PRKG1: variants seen among roughly 807,000 people sequenced by gnomAD.
PRKG1 encodes cGMP-dependent protein kinase 1.
Under a neutral mutation model 88.1 loss-of-function variants are expected in PRKG1, and 35 were observed. The ratio of observed to expected loss-of-function variants is 0.40; its 90% CI spans 0.30 to 0.53. The LOEUF (loss-of-function observed/expected upper bound fraction) is 0.53, where lower values mean the gene tolerates loss of function less well. Among genes scored for constraint, PRKG1 ranks in the 20% least tolerant of loss-of-function variants. The probability of loss-of-function intolerance (pLI) is 0.59; values close to 1 mark genes in which losing one functional copy is unlikely to be tolerated. For missense variants in PRKG1, 540 were observed against 839.8 expected, an observed-to-expected ratio of 0.64 and a Z score of 4.41; for synonymous variants, 303 against 292.5, an observed-to-expected ratio of 1.04 and a Z score of -0.37.
chr10:51,835,757 GTGGGAT>G (rs1166360337), intron 4 of PRKG1, among the ~76,000 whole-genome samples: 1 of 152,116 alleles, frequency 6.6e-6, no homozygotes, highest in African/African-American at 2.4e-5. Context: ...ATACCCATTA[GTGGGAT>G]TGCTGGATCA....
intron 2 of PRKG1, among the ~76,000 whole-genome samples, chr10:51,328,258 T>C (rs1841643215): frequency 1.3e-5 from 2 of 152,228 alleles, no homozygotes. Context: ...CTTATTTCAC[T>C]TAACGTGATG....
At chr10:51,951,939 A>C (rs536282451) in intron 5 of PRKG1, among the ~76,000 whole-genome samples, 2 of 152,214 alleles carry the variant, frequency 1.3e-5, no homozygotes, top group Non-Finnish European at 2.9e-5. Flanking sequence ...ATGCCACATC[A>C]ATATTATATG....
chr10:51,307,183 A>G (rs1841060957), intron 2 of PRKG1, among the ~76,000 whole-genome samples: 1 of 152,162 alleles, frequency 6.6e-6, no homozygotes, highest in Non-Finnish European at 1.5e-5. Flanking sequence ...ACACAGATAT[A>G]TTTATGCACA....
intron 3 of PRKG1, among the ~76,000 whole-genome samples, chr10:51,685,905 C>T (rs1840976556): frequency 6.6e-6 from 1 of 152,124 alleles, no homozygotes; most frequent in Non-Finnish European, 1.5e-5. Context: ...AGAGACCACT[C>T]TTCAGCCCTG....
chr10:51,188,730 A>G (rs1339486162), intron 2 of PRKG1, among the ~76,000 whole-genome samples: 1 of 151,874 alleles, frequency 6.6e-6, no homozygotes, highest in Non-Finnish European at 1.5e-5. Context: ...AGTGTACACA[A>G]ATTAAAAGAC....
chr10:52,091,437 C>T (rs1847054190), intron 7 of PRKG1, among the ~76,000 whole-genome samples: 1 of 152,148 alleles, frequency 6.6e-6, no homozygotes, highest in Non-Finnish European at 1.5e-5. Flanking sequence ...TTGCATCAAA[C>T]TCATAGATCC....
chr10:51,719,923 C>T (rs978338283), intron 3 of PRKG1, among the ~76,000 whole-genome samples: 29 of 152,114 alleles, frequency 1.9e-4, no homozygotes, highest in Non-Finnish European at 3.8e-4. Context: ...GCTAGGTCTA[C>T]TGGAGTGGTC....
intron 4 of PRKG1, among the ~76,000 whole-genome samples, chr10:51,852,098 A>G (rs1840569438): frequency 6.6e-6 from 1 of 150,622 alleles, no homozygotes; most frequent in Non-Finnish European, 1.5e-5. Context: ...TATAGATAAA[A>G]CTTAGACTTA....
chr10:52,131,707 C>T (rs12255973), intron 7 of PRKG1, among the ~76,000 whole-genome samples: 24,030 of 147,772 alleles, frequency 0.16, 2,817 homozygotes, highest in African/African-American at 0.33. Flanking sequence ...ATTAGCCAGG[C>T]GTGGTGGTGG....
chr10:51,647,616 C>T (rs948518209), intron 3 of PRKG1, among the ~76,000 whole-genome samples: 35 of 152,242 alleles, frequency 2.3e-4, no homozygotes, highest in African/African-American at 8.2e-4. Flanking sequence ...TAGTATTGTA[C>T]TCTAACACAG....
At chr10:51,288,253 T>C (rs907351091) in intron 2 of PRKG1, among the ~76,000 whole-genome samples, 17 of 152,274 alleles carry the variant, frequency 1.1e-4, no homozygotes, top group Admixed American at 6.5e-4. Context: ...GGGAGTCACA[T>C]GGAGAGGCTA....
chr10:51,754,155 A>G (rs974601418), intron 3 of PRKG1, among the ~76,000 whole-genome samples: 4 of 152,010 alleles, frequency 2.6e-5, no homozygotes. Context: ...TCTTAGTTTG[A>G]TAATGATTGT....
In PRKG1 at chr10:52,295,633, G is replaced by A. The variant is rs1434214235; in HGVS notation, c.*1733G>A. ...TGTGAATTTGGTATATTAAATTGAC[G>A]CTTGCTTTTTTTTTCAGTAGAGTTT... On this transcript the variant is annotated 3_prime_UTR_variant, in exon 18 of 18. Coordinates refer to ENST00000373980, the MANE Select transcript of PRKG1 (RefSeq NM_006258.4). 6 of 151,760 alleles carry A rather than the reference G, an allele frequency of 4.0e-5. No homozygotes were observed. The highest frequency in any genetic ancestry group is 6.6e-5 in the Admixed American group (1 of 15,196). The allele number at this position is 151,760 out of a possible 1,614,324, so 9.4% of individuals were successfully genotyped here.
At chr10:52,232,734 C>A (rs1293085003) in intron 9 of PRKG1, among the ~76,000 whole-genome samples, 1 of 152,180 alleles carries the variant, frequency 6.6e-6, no homozygotes, top group Admixed American at 6.5e-5. Flanking sequence ...CTCCCTATGG[C>A]TTCACACACT....
At chr10:51,505,498 G>A (rs1449000294) in intron 3 of PRKG1, among the ~76,000 whole-genome samples, 1 of 152,110 alleles carries the variant, frequency 6.6e-6, no homozygotes, top group African/African-American at 2.4e-5. Flanking sequence ...AATGAGTTAG[G>A]GAGGATTCCC....
At chr10:52,075,962 G>A (rs928691752) in intron 7 of PRKG1, among the ~76,000 whole-genome samples, 10 of 151,976 alleles carry the variant, frequency 6.6e-5, no homozygotes, top group African/African-American at 2.2e-4. Flanking sequence ...TGGGGGTTAG[G>A]GCTTCAATAT....
intron 3 of PRKG1, among the ~76,000 whole-genome samples, chr10:51,660,518 T>G (rs72797335): frequency 0.09 from 13,643 of 152,140 alleles, 844 homozygotes; most frequent in Admixed American, 0.13. Context: ...CTAGCAGTAT[T>G]TTCAAGTATT....
intron 1 of PRKG1, among the ~76,000 whole-genome samples, chr10:51,067,706 G>A (rs1456309584): frequency 1.3e-5 from 2 of 152,026 alleles, no homozygotes. Flanking sequence ...ATGTAATACA[G>A]TGACTCTAGA....
intron 1 of PRKG1, among the ~76,000 whole-genome samples, chr10:51,076,943 A>G (rs1216220820): frequency 6.6e-6 from 1 of 152,144 alleles, no homozygotes; most frequent in Non-Finnish European, 1.5e-5. Context: ...GCTTTGGGTG[A>G]CTCTGAAGTA....
Sources: gnomAD v4.1 joint callset for allele counts (sites outside exome capture counted in the v4.1 genomes callset) on GRCh38, gnomAD v4.1.1 for gene constraint, MANE v1.5 for transcripts, NCBI Gene and HGNC (gene_info 2026-07-23, HGNC 2026-07-21) for gene names.